CRTAM: variants seen among roughly 807,000 people sequenced by gnomAD.
The protein encoded by CRTAM is cytotoxic and regulatory T-cell molecule.
Under a neutral mutation model 50.0 loss-of-function variants are expected in CRTAM, and 44 were observed. The ratio of observed to expected loss-of-function variants is 0.88; its 90% confidence interval spans 0.69 to 1.13. The LOEUF (loss-of-function observed/expected upper bound fraction) is 1.13. Ranked by LOEUF, CRTAM falls within the 50% of genes most tolerant of loss-of-function variation. The pLI is 0.00. For synonymous variants in CRTAM, 159 were observed against 169.3 expected (o/e 0.94, Z 0.47); for missense variants, 448 against 457.5 (o/e 0.98, Z 0.19).
chr11:122,854,498 C>A (rs181278785), intron 4 of CRTAM, among the ~76,000 whole-genome samples: 7 of 147,598 alleles, frequency 4.7e-5, no homozygotes, highest in South Asian at 2.2e-4. Flanking sequence ...CATGGAGAAA[C>A]CTCGTCCCTA....
Position 122,862,586 on chromosome 11 carries a change from G to A in CRTAM, c.733+42G>A, listed in dbSNP as rs201112405. On this transcript the variant is annotated intron_variant, in intron 6 of 9. Transcript: ENST00000227348. The stretch of plus-strand genomic sequence containing the variant: ...TTCAAACTTGTTTTTAAAAAATCAC[G>A]TTTCCTTGGGAAGGTTATTTTTCTC... 4.3e-5 allele frequency: 53 copies of A among 1,227,684 alleles called. 1 individual carries two copies. Among genetic ancestry groups the A allele is most frequent in the African/African-American group, 3.5e-4 (23 of 65,962 alleles). The allele number at this position is 1,227,684 out of a possible 1,614,324, so 76.0% of individuals were successfully genotyped here.
rs762355361 is a variant in CRTAM at position 122,864,670 on chromosome 11, T to G, written c.768T>G (p.Ile256Met). 2 of 1,613,772 alleles carry G rather than the reference T, an allele frequency of 1.2e-6. No individual in the cohort carries two copies. The highest frequency in any genetic ancestry group is 1.7e-5 in the Admixed American group (1 of 59,996). Residue 256 changes from isoleucine (I) to methionine (M), a missense_variant, in exon 7 of 10, where the codon ATT (isoleucine) becomes ATG (methionine). Physicochemically the swap from Ile to Met is conservative, Grantham distance 10. Transcript: ENST00000227348. ...SVTEDSSTSE[I>M]DKEEKEQTTQ... Reference sequence around the variant, plus strand: ...CGGAAGATTCTAGTACATCGGAGATTGACAAGGAAGAGAAAGAACAAACCA... The same window carrying G: ...CGGAAGATTCTAGTACATCGGAGATGGACAAGGAAGAGAAAGAACAAACCA...
At chr11:122,854,818 T>C (rs1275838026) in intron 4 of CRTAM, among the ~76,000 whole-genome samples, 1 of 152,138 alleles carries the variant, frequency 6.6e-6, no homozygotes, top group Non-Finnish European at 1.5e-5. Flanking sequence ...CAAGAACAGA[T>C]TAAAAATATT....
chr11:122,851,651 G>A (rs756343916), intron 2 of CRTAM, 42 bp from the exon 3 acceptor site: 6 of 1,601,276 alleles, frequency 3.7e-6, no homozygotes, highest in Non-Finnish European at 5.1e-6. Context: ...ACGATTCATC[G>A]GATATCTTTC....
intron 1 of CRTAM, among the ~76,000 whole-genome samples, chr11:122,839,003 A>G (rs1480792535): frequency 6.6e-6 from 1 of 152,122 alleles, no homozygotes; most frequent in Non-Finnish European, 1.5e-5. Flanking sequence ...ACCTCGGCTC[A>G]CTGCAAGCTC....
intron 7 of CRTAM, among the ~76,000 whole-genome samples, chr11:122,867,150 G>C (rs1274196271): frequency 1.3e-5 from 2 of 151,980 alleles, no homozygotes; most frequent in Non-Finnish European, 2.9e-5. Context: ...AAAATAACTA[G>C]CCCAATAGCT....
chr11:122,864,291 A>G (rs1862139273), intron 6 of CRTAM, among the ~76,000 whole-genome samples: 1 of 152,176 alleles, frequency 6.6e-6, no homozygotes, highest in African/African-American at 2.4e-5. Context: ...GAGTTTATGT[A>G]TTGGCTTTGC....
intron 6 of CRTAM, among the ~76,000 whole-genome samples, chr11:122,862,776 T>C (rs1304913600): frequency 6.6e-6 from 1 of 152,218 alleles, no homozygotes; most frequent in East Asian, 1.9e-4. Context: ...AGTTCAGTTC[T>C]AGTTTGCCTG....
At chr11:122,860,250 A>G (rs548706127) in intron 5 of CRTAM, among the ~76,000 whole-genome samples, 36 of 152,206 alleles carry the variant, frequency 2.4e-4, no homozygotes, top group African/African-American at 8.7e-4. Context: ...AGGTTTCACC[A>G]TGTTGACCAG....
chr11:122,855,283 G>A (rs951525258), intron 4 of CRTAM, among the ~76,000 whole-genome samples: 7 of 152,144 alleles, frequency 4.6e-5, no homozygotes, highest in African/African-American at 1.4e-4. Flanking sequence ...ACCCTTTACA[G>A]TTGAGAACAC....
chr11:122,863,239 A>G (rs1276952272), intron 6 of CRTAM, among the ~76,000 whole-genome samples: 2 of 147,586 alleles, frequency 1.4e-5, no homozygotes, highest in African/African-American at 2.5e-5. Flanking sequence ...GAAAGAAAGA[A>G]AGAAAGAAAG....
Position 122,864,482 on chromosome 11 carries a change from G to C in CRTAM, c.734-154G>C, listed in dbSNP as rs1862141337. 14 of 554,314 alleles carry C rather than the reference G, an allele frequency of 2.5e-5. 1 individual carries two copies. In the South Asian group the frequency reaches 3.5e-4, roughly 14 times the overall value. The allele number at this position is 554,314 out of a possible 1,614,324, so 34.3% of individuals were successfully genotyped here. A position where few individuals can be genotyped will look rare whatever the true frequency, so the allele number is the denominator to read the frequency against. On this transcript the variant is annotated intron_variant, in intron 6 of 9. Coordinates refer to ENST00000227348, the MANE Select transcript of CRTAM (RefSeq NM_019604.4). ...AGTGAGCCTAGCCATTTGCAATTATGTTTGCAAGAAATCCATAGTTCACAA... is the reference window on the plus strand; with the variant it reads ...AGTGAGCCTAGCCATTTGCAATTATCTTTGCAAGAAATCCATAGTTCACAA...
chr11:122,850,788 C>T (rs1346966121), intron 2 of CRTAM, among the ~76,000 whole-genome samples: 1 of 152,166 alleles, frequency 6.6e-6, no homozygotes, highest in Non-Finnish European at 1.5e-5. Flanking sequence ...GAAGAAAGTA[C>T]AAGATGTCTG....
At chr11:122,862,367 G>A (rs1160846945) in intron 5 of CRTAM, 97 bp from the exon 6 acceptor site, 4 of 791,728 alleles carry the variant, frequency 5.1e-6, no homozygotes, top group African/African-American at 3.4e-5. Context: ...CTACAAGCAG[G>A]TAGCCGCTAA....
chr11:122,858,399 T>C (rs7942122), intron 5 of CRTAM, among the ~76,000 whole-genome samples: 28,430 of 151,914 alleles, frequency 0.19, 3,190 homozygotes, highest in Admixed American at 0.36. Context: ...CTAATTTTCA[T>C]ATATTTTGTA....
rs2135256284 is a variant in CRTAM, at chr11:122,868,077, A to G, written c.1029A>G (p.Ser343=). The part of the protein sequence containing the change: ...YRSRSNNEET[S]SEEKNGQSSH... ...CAAGGTCAAATAATGAAGAAACATC[A>G]TCTGAAGAGAAAAATGGCCAATGTA... Residue 343 remains serine, a synonymous_variant, in exon 9 of 10, where the codon TCA becomes TCG. Transcript: ENST00000227348. 6.2e-7 allele frequency: 1 copy of G among 1,612,024 alleles called. No individual in the cohort carries two copies. The highest frequency in any genetic ancestry group is 8.5e-7 in the Non-Finnish European group (1 of 1,178,144).
rs1439359215 is a variant in CRTAM at position 122,854,069 on chromosome 11, A to G, written c.473A>G (p.Asn158Ser). ...CCGCAGATAACCTGGCTACTTGGGA[A>G]TAGCATGGAAGTGTCCGGTAAGGGG... ...PPPQITWLLG[N>S]SMEVSGGTLH... The change falls in exon 4 of 10, where the codon AAT becomes AGT. Residue 158 changes from asparagine (N) to serine (S), a missense_variant. Transcript: ENST00000227348. 1.2e-6 allele frequency: 2 copies of G among 1,613,988 alleles called. No individual in the cohort carries two copies. Among genetic ancestry groups the G allele is most frequent in the Non-Finnish European group, 1.7e-6 (2 of 1,179,942 alleles).
intron 9 of CRTAM, 24 bp from the exon 10 acceptor site, chr11:122,871,245 A>C (rs1291732812): frequency 1.3e-6 from 2 of 1,591,768 alleles, no homozygotes. Flanking sequence ...ATAAATATTC[A>C]TCTTCAACAT....
chr11:122,850,886 C>T (rs1861921439), intron 2 of CRTAM, among the ~76,000 whole-genome samples: 1 of 152,194 alleles, frequency 6.6e-6, no homozygotes, highest in Non-Finnish European at 1.5e-5. Flanking sequence ...TTTTATGTCT[C>T]CATTTAATAT....
Sources: allele counts gnomAD v4.1 joint callset (sites outside exome capture counted in the v4.1 genomes callset), GRCh38; gene constraint gnomAD v4.1.1; transcripts MANE v1.5; gene names NCBI Gene and HGNC (gene_info 2026-07-23, HGNC 2026-07-21).